Variants in MGRN1 observed in about 807,000 individuals in gnomAD.
MGRN1 encodes the protein E3 ubiquitin-protein ligase MGRN1.
MGRN1 carries 29 observed loss-of-function variants against 69.2 expected under a neutral mutation model. The ratio of observed to expected loss-of-function variants is 0.42; its 90% CI spans 0.31 to 0.57. The LOEUF (loss-of-function observed/expected upper bound fraction) is 0.57. Among genes scored for constraint, MGRN1 ranks in the 20% least tolerant of loss-of-function variants. MGRN1 has a pLI of 0.15. For missense variants in MGRN1, 998 were observed against 796.2 expected, an observed-to-expected ratio of 1.25 and a Z score of -3.05; for synonymous variants, 470 against 344.2, an observed-to-expected ratio of 1.37 and a Z score of -4.04.
intron 7 of MGRN1, 52 bp downstream of exon 7, chr16:4,665,203 G>A (rs1423289095): frequency 1.2e-6 from 2 of 1,604,746 alleles, no homozygotes; most frequent in Admixed American, 1.7e-5. Flanking sequence ...CTGGGCAGGG[G>A]GTGGCCTTTT....
intron 9 of MGRN1, among the ~76,000 whole-genome samples, chr16:4,671,809 G>T (rs2078943332): frequency 6.6e-6 from 1 of 152,172 alleles, no homozygotes; most frequent in African/African-American, 2.4e-5. Flanking sequence ...CTGGGGGAGG[G>T]ATGCTTATTC....
chr16:4,648,411 C>T (rs1353693243), intron 1 of MGRN1, among the ~76,000 whole-genome samples: 85 of 118,462 alleles, frequency 7.2e-4, no homozygotes, highest in South Asian at 2.1e-3. Context: ...GGTCCTCCTC[C>T]CGGGGGCTCT....
chr16:4,668,197 C>T (rs868575178), intron 7 of MGRN1, 68 bp from the exon 8 acceptor site: 141 of 1,415,644 alleles, frequency 1.0e-4, no homozygotes, highest in Middle Eastern at 5.8e-4. Flanking sequence ...CCAACCCAGG[C>T]GGCCACGCAG....
At position 4,677,477 on chromosome 16, in the gene MGRN1, C is replaced by T; in HGVS notation, c.970C>T (p.Leu324=). The change falls in exon 11 of 17, where the codon CTG becomes TTG. Residue 324 remains leucine (L), a synonymous_variant. Transcript: ENST00000262370. ...PICRLPFRAL[L]QIRAVRKKPG... ...TTCTGCCGCAGCTTTCCGGGCCCTC[C>T]TGCAGATCCGGGCGGTGCGGAAGAA... 3 of 1,571,056 alleles carry T rather than the reference C, an allele frequency of 1.9e-6. No individual in the cohort carries two copies. The highest frequency in any genetic ancestry group is 2.3e-5 in the East Asian group (1 of 43,488).
chr16:4,643,484 C>T (rs2078207195), intron 1 of MGRN1, among the ~76,000 whole-genome samples: 1 of 151,086 alleles, frequency 6.6e-6, no homozygotes, highest in Non-Finnish European at 1.5e-5. Flanking sequence ...ATTCTCCTGC[C>T]TCAGCCCCTC....
intron 10 of MGRN1, among the ~76,000 whole-genome samples, chr16:4,674,393 A>T (rs1267025352): frequency 6.6e-6 from 1 of 151,298 alleles, no homozygotes; most frequent in Non-Finnish European, 1.5e-5. Flanking sequence ...GGTTTAAGTG[A>T]TTCTCCTGCC....
chr16:4,641,859 G>A (rs544024066), intron 1 of MGRN1, among the ~76,000 whole-genome samples: 1 of 152,012 alleles, frequency 6.6e-6, no homozygotes, highest in Non-Finnish European at 1.5e-5. Flanking sequence ...TCGCCATGTC[G>A]CCCAGGCTGG....
chr16:4,679,836 C>T (rs1221948804), intron 11 of MGRN1, among the ~76,000 whole-genome samples, 196 bp from the exon 12 acceptor site: 3 of 152,152 alleles, frequency 2.0e-5, no homozygotes, highest in Non-Finnish European at 4.4e-5. Flanking sequence ...CTCCCGGGAG[C>T]TGCCGAGACG....
chr16:4,681,364 C>T (rs2079178734), intron 12 of MGRN1, 186 bp from the exon 13 acceptor site: 1 of 598,156 alleles, frequency 1.7e-6, no homozygotes, highest in South Asian at 2.2e-5. Flanking sequence ...GCATCCAGCC[C>T]CGTGCTGGAG....
In MGRN1 at chr16:4,664,690, T is replaced by C; in HGVS notation, c.562-19T>C. 1 of 1,614,196 alleles carries C rather than the reference T, an allele frequency of 6.2e-7. No homozygotes were observed. The highest frequency in any genetic ancestry group is 2.2e-5 in the East Asian group (1 of 44,882). On this transcript the variant is annotated intron_variant, in intron 5 of 16. Transcript: ENST00000262370. ...TTGGCTGTGTGGGTCCTGACCATTC[T>C]TGGCAACTCTCTCCTCAGCTGAACT...
At chr16:4,639,568 A>G (rs549645421) in intron 1 of MGRN1, among the ~76,000 whole-genome samples, 113 of 152,308 alleles carry the variant, frequency 7.4e-4, no homozygotes, top group African/African-American at 2.5e-3. Context: ...AGGCCTGCCT[A>G]TGACTTGGGC....
chr16:4,677,481 A>G lies in MGRN1; in HGVS notation c.974A>G (p.Gln325Arg). The change falls in exon 11 of 17, where the codon CAG (glutamine) becomes CGG (arginine). Residue 325 changes from glutamine (Q) to arginine (R), a missense_variant. Gln to Arg is a conservative substitution (Grantham distance 43). Transcript: ENST00000262370. ...GCCGCAGCTTTCCGGGCCCTCCTGC[A>G]GATCCGGGCGGTGCGGAAGAAGCCA... ...ICRLPFRALL[Q>R]IRAVRKKPGA... 1 of 1,572,764 alleles carries G rather than the reference A, an allele frequency of 6.4e-7. No individual in the cohort carries two copies. The highest frequency in any genetic ancestry group is 8.6e-7 in the Non-Finnish European group (1 of 1,164,466).
intron 1 of MGRN1, chr16:4,650,133 T>C (rs530964344): frequency 4.3e-4 from 172 of 402,040 alleles, no homozygotes; most frequent in Non-Finnish European, 6.6e-4. Context: ...TGAAACCCCG[T>C]CTCCACTAAG....
At position 4,665,087 on chromosome 16, in the gene MGRN1, C is replaced by T. The variant is rs551926003; in HGVS notation, c.629-15C>T. ...GGCCCCGACTCTGACTACTCTGCCCCTCTCTCCCCAGCAGTGGTGGAAGTG... is the reference window on the plus strand; with the variant it reads ...GGCCCCGACTCTGACTACTCTGCCCTTCTCTCCCCAGCAGTGGTGGAAGTG... On this transcript the variant is annotated splice_polypyrimidine_tract_variant and intron_variant, in intron 6 of 16. Transcript: ENST00000262370. 5.0e-6 allele frequency: 8 copies of T among 1,614,084 alleles called. No homozygotes were observed. In the Admixed American group the frequency reaches 1.0e-4, roughly 20 times the overall value.
In MGRN1 at chr16:4,668,179, C is replaced by A; in HGVS notation, c.679-86C>A. 4.7e-6 allele frequency: 5 copies of A among 1,073,900 alleles called. No individual in the cohort carries two copies. The South Asian group carries it at 8.1e-5, about 17-fold the overall frequency. The allele number at this position is 1,073,900 out of a possible 1,614,324, so 66.5% of individuals were successfully genotyped here. A position where few individuals can be genotyped will look rare whatever the true frequency, so the allele number is the denominator to read the frequency against. ...AGCTGTGGGCATGGATTGGCTGGGG[C>A]AGGGTGGCCAACCCAGGCGGCCACG... On this transcript the variant is annotated intron_variant, in intron 7 of 16. Transcript: ENST00000262370.
chr16:4,650,028 C>G (rs1025700179), intron 1 of MGRN1: 1 of 191,960 alleles, frequency 5.2e-6, no homozygotes, highest in Admixed American at 5.9e-5. Flanking sequence ...CCAGGCTGGG[C>G]GCCGTGGCTC....
intron 5 of MGRN1, among the ~76,000 whole-genome samples, chr16:4,658,044 T>G (rs914272373): frequency 6.6e-6 from 1 of 151,540 alleles, no homozygotes; most frequent in South Asian, 2.1e-4. Context: ...GCCCGGCCAT[T>G]GCTGCAGACC....
In MGRN1 at chr16:4,688,123, C is replaced by T. The variant is rs541957191; in HGVS notation, c.1619-673C>T. The stretch of plus-strand genomic sequence containing the variant: ...CCTTCACCGGAGAGTGGGGCCTGGG[C>T]CGTGTCTGCTGGGAGCCATGTGTCA... On this transcript the variant is annotated intron_variant, in intron 16 of 16. Transcript: ENST00000262370. 2.3e-4 allele frequency: 224 copies of T among 985,606 alleles called. 4 individuals are homozygous for T. In the South Asian group the frequency reaches 8.0e-3, roughly 35 times the overall value. 61.1% of individuals were successfully genotyped at this position (985,606 alleles called of 1,614,324 possible). A position where few individuals can be genotyped will look rare whatever the true frequency, so the allele number is the denominator to read the frequency against.
chr16:4,641,862 C>G (rs1194024871), intron 1 of MGRN1, among the ~76,000 whole-genome samples: 1 of 152,184 alleles, frequency 6.6e-6, no homozygotes, highest in African/African-American at 2.4e-5. Flanking sequence ...CCATGTCGCC[C>G]AGGCTGGTCT....
Sources: allele counts gnomAD v4.1 joint callset (sites outside exome capture counted in the v4.1 genomes callset), GRCh38; gene constraint gnomAD v4.1.1; transcripts MANE v1.5; gene names NCBI Gene and HGNC (gene_info 2026-07-23, HGNC 2026-07-21).